The following SLIT3 variants were observed in gnomAD, a reference collection of about 807,000 sequenced individuals.
The protein encoded by SLIT3 is slit homolog 3 protein.
SLIT3 carries 68 observed loss-of-function variants against 184.0 expected under a neutral mutation model. The ratio of observed to expected loss-of-function variants is 0.37; its 90% confidence interval spans 0.30 to 0.45. SLIT3 has a LOEUF of 0.45. Among genes scored for constraint, SLIT3 ranks in the 20% least tolerant of loss-of-function variants. The pLI is 1.00. For synonymous variants in SLIT3, 831 were observed against 828.6 expected (o/e 1.00, Z -0.05); for missense variants, 1,707 against 2,026.0 (o/e 0.84, Z 3.02).
intron 5 of SLIT3, among the ~76,000 whole-genome samples, chr5:168,882,722 A>T (rs1185451854): frequency 6.6e-6 from 1 of 152,176 alleles, no homozygotes; most frequent in African/African-American, 2.4e-5. Context: ...TTAAAAAAAA[A>T]TCCTAGGCCA....
chr5:168,998,532 C>T (rs747131239), intron 4 of SLIT3, among the ~76,000 whole-genome samples: 11 of 152,042 alleles, frequency 7.2e-5, no homozygotes, highest in African/African-American at 1.4e-4. Context: ...GGTGAAACCC[C>T]GTCTCTACTA....
intron 5 of SLIT3, among the ~76,000 whole-genome samples, chr5:168,848,251 GGCCCTGTGGCCCT>G (rs1758552184): frequency 6.6e-6 from 1 of 152,218 alleles, no homozygotes; most frequent in African/African-American, 2.4e-5. Context: ...TCATGACTGT[GGCCCTGTGGCCCT>G]TCTAGTGACG....
chr5:168,981,356 T>C (rs1360821227), intron 4 of SLIT3, among the ~76,000 whole-genome samples: 2 of 152,128 alleles, frequency 1.3e-5, no homozygotes, highest in African/African-American at 2.4e-5. Flanking sequence ...TGGATCTGAA[T>C]AGACAGGTGA....
intron 4 of SLIT3, among the ~76,000 whole-genome samples, chr5:169,192,423 C>CTGTGTGTGTGTGTGTGTGTG (rs3038088): frequency 1.3e-5 from 2 of 148,172 alleles, no homozygotes; most frequent in South Asian, 4.4e-4. Context: ...TATATAGTCT[C>CTGTGTGTGTGTGTGTGTGTG]TGTGTGTGTG....
intron 3 of SLIT3, among the ~76,000 whole-genome samples, chr5:169,197,673 T>C (rs994452869): frequency 1.3e-5 from 2 of 152,110 alleles, no homozygotes; most frequent in South Asian, 2.1e-4. Flanking sequence ...ATGGAACTCA[T>C]ATGAGGACAG....
At chr5:168,907,767 A>G (rs918261136) in intron 4 of SLIT3, among the ~76,000 whole-genome samples, 5 of 151,730 alleles carry the variant, frequency 3.3e-5, no homozygotes, top group Non-Finnish European at 7.4e-5. Context: ...TCTTTCTTCT[A>G]TGGATAAATT....
At chr5:168,736,056 A>C (rs140558142) in intron 20 of SLIT3, among the ~76,000 whole-genome samples, 1 of 150,734 alleles carries the variant, frequency 6.6e-6, no homozygotes, top group South Asian at 2.1e-4. Context: ...ATCCCCCTCT[A>C]CTCCTGGTGT....
chr5:169,145,627 C>G (rs1761899867), intron 4 of SLIT3, among the ~76,000 whole-genome samples: 1 of 152,222 alleles, frequency 6.6e-6, no homozygotes, highest in African/African-American at 2.4e-5. Context: ...GAGGGATGCT[C>G]TGTATGGATA....
intron 1 of SLIT3, among the ~76,000 whole-genome samples, chr5:169,270,751 TA>T (rs1230053248): frequency 6.6e-5 from 10 of 152,164 alleles, no homozygotes; most frequent in Non-Finnish European, 1.3e-4. Flanking sequence ...ACATAATGGT[TA>T]AAAGTGTGGG....
chr5:169,083,301 T>C (rs1396606121), intron 4 of SLIT3, among the ~76,000 whole-genome samples: 1 of 150,726 alleles, frequency 6.6e-6, no homozygotes, highest in African/African-American at 2.5e-5. Flanking sequence ...CTCAAGAGAG[T>C]CATACAAAAA....
intron 3 of SLIT3, among the ~76,000 whole-genome samples, chr5:169,227,715 C>T (rs761054627): frequency 9.9e-5 from 15 of 152,240 alleles, no homozygotes; most frequent in Non-Finnish European, 1.9e-4. Context: ...CACGTGCCAC[C>T]GCGCCCAGAC....
At chr5:168,896,149 A>G (rs779803502) in intron 4 of SLIT3, among the ~76,000 whole-genome samples, 5 of 152,194 alleles carry the variant, frequency 3.3e-5, no homozygotes, top group Non-Finnish European at 7.3e-5. Flanking sequence ...CATGCCTGCT[A>G]GAAGTCGTGC....
intron 3 of SLIT3, among the ~76,000 whole-genome samples, chr5:169,210,940 G>C (rs1464558185): frequency 6.6e-6 from 1 of 152,184 alleles, no homozygotes; most frequent in East Asian, 1.9e-4. Flanking sequence ...ACTTGATTTG[G>C]TTAACAGAAG....
At chr5:169,181,217 G>A (rs911934087) in intron 4 of SLIT3, among the ~76,000 whole-genome samples, 1 of 152,134 alleles carries the variant, frequency 6.6e-6, no homozygotes, top group African/African-American at 2.4e-5. Flanking sequence ...TTATATCTGT[G>A]AGTTAATTCA....
intron 23 of SLIT3, among the ~76,000 whole-genome samples, chr5:168,715,139 C>T (rs1042302911): frequency 6.6e-6 from 1 of 152,174 alleles, no homozygotes; most frequent in African/African-American, 2.4e-5. Context: ...AGTCAGACTG[C>T]CTGGGTGTGA....
At position 169,286,267 on chromosome 5, in the gene SLIT3, C is replaced by G. The variant is rs966303948; in HGVS notation, c.197+14246G>C. Among the ~76,000 whole-genome samples the G allele has an allele frequency of 3.9e-5, 6 of 152,234 alleles. No homozygotes were observed. In the East Asian group the frequency reaches 1.2e-3, roughly 29 times the overall value. On this transcript the variant is annotated intron_variant, in intron 1 of 35. Coordinates refer to ENST00000519560, the MANE Select transcript of SLIT3 (RefSeq NM_003062.4). Reference sequence around the variant, plus strand: ...TGTCTCTGAATAAAACCTACAAAGCCCCAAGCCAATCAGTTTTAAGAAACA... The same window carrying G: ...TGTCTCTGAATAAAACCTACAAAGCGCCAAGCCAATCAGTTTTAAGAAACA...
chr5:169,203,075 T>C (rs1763952819), intron 3 of SLIT3, among the ~76,000 whole-genome samples: 1 of 152,170 alleles, frequency 6.6e-6, no homozygotes, highest in Admixed American at 6.5e-5. Flanking sequence ...GGAAAATCAC[T>C]GGTTCTGCAG....
chr5:168,754,699 G>A (rs368114605), intron 16 of SLIT3, among the ~76,000 whole-genome samples: 6 of 152,152 alleles, frequency 3.9e-5, no homozygotes, highest in African/African-American at 1.2e-4. Context: ...TTTGATCACT[G>A]TACATTGCAT....
At chr5:168,696,674 G>A (rs933604271) in intron 27 of SLIT3, among the ~76,000 whole-genome samples, 1 of 152,114 alleles carries the variant, frequency 6.6e-6, no homozygotes, top group Non-Finnish European at 1.5e-5. Context: ...GGCCCATGCT[G>A]GCTGCCTCGC....
Sources: allele counts gnomAD v4.1 joint callset (sites outside exome capture counted in the v4.1 genomes callset), GRCh38; gene constraint gnomAD v4.1.1; transcripts MANE v1.5; gene names NCBI Gene and HGNC (gene_info 2026-07-23, HGNC 2026-07-21).